The following MDGA2 variants were observed in gnomAD, a reference collection of about 807,000 sequenced individuals.
MDGA2 encodes MAM domain containing glycosylphosphatidylinositol anchor 2, also known as MAM domain-containing glycosylphosphatidylinositol anchor protein 2.
In MDGA2, 40 loss-of-function variants were observed where a neutral mutation model predicts 117.8. That is an observed-to-expected ratio of 0.34 (90% CI 0.26 to 0.44). The LOEUF (loss-of-function observed/expected upper bound fraction) is 0.44, where lower values mean the gene tolerates loss of function less well. Among genes scored for constraint, MDGA2 ranks in the 20% least tolerant of loss-of-function variants. MDGA2 has a pLI of 1.00. For synonymous variants in MDGA2, 452 were observed against 439.0 expected, an observed-to-expected ratio of 1.03 and a Z score of -0.37; for missense variants, 1,123 against 1,250.6, an observed-to-expected ratio of 0.90 and a Z score of 1.54.
chr14:46,881,255 G>C (rs1395858129), intron 11 of MDGA2, among the ~76,000 whole-genome samples: 2 of 152,112 alleles, frequency 1.3e-5, no homozygotes, highest in East Asian at 1.9e-4. Flanking sequence ...AAATAAGGCA[G>C]TCTAAAAAGC....
intron 1 of MDGA2, among the ~76,000 whole-genome samples, chr14:47,597,851 C>T (rs1261447211): frequency 1.5e-5 from 2 of 131,942 alleles, no homozygotes; most frequent in African/African-American, 3.5e-5. Flanking sequence ...CACATACACA[C>T]ACACACACAC....
intron 1 of MDGA2, among the ~76,000 whole-genome samples, chr14:47,662,860 T>C (rs1897875870): frequency 6.6e-6 from 1 of 151,988 alleles, no homozygotes; most frequent in South Asian, 2.1e-4. Flanking sequence ...TGGAAAAGGG[T>C]TGCACTTCCT....
chr14:47,198,576 A>G (rs1439963656), intron 3 of MDGA2, among the ~76,000 whole-genome samples: 1 of 152,210 alleles, frequency 6.6e-6, no homozygotes, highest in African/African-American at 2.4e-5. Flanking sequence ...CGTCTCAAAA[A>G]AAAAAATTGA....
chr14:47,087,244 G>C (rs1890933905), intron 6 of MDGA2, among the ~76,000 whole-genome samples: 6 of 151,990 alleles, frequency 3.9e-5, no homozygotes, highest in Admixed American at 2.6e-4. Flanking sequence ...GCTGGGTGCG[G>C]TGGCTCACAC....
At chr14:47,047,618 G>C (rs1889309872) in intron 7 of MDGA2, among the ~76,000 whole-genome samples, 2 of 151,850 alleles carry the variant, frequency 1.3e-5, no homozygotes, top group Non-Finnish European at 2.9e-5. Context: ...CCAAGGTATG[G>C]CATATAGTAA....
intron 4 of MDGA2, among the ~76,000 whole-genome samples, chr14:47,138,574 AAAGG>A (rs926353071): frequency 2.6e-5 from 4 of 152,178 alleles, no homozygotes; most frequent in Non-Finnish European, 5.9e-5. Flanking sequence ...AAAAGAAATA[AAAGG>A]AAGACATACA....
At chr14:46,955,549 T>G (rs1885533036) in intron 9 of MDGA2, among the ~76,000 whole-genome samples, 1 of 152,114 alleles carries the variant, frequency 6.6e-6, no homozygotes, top group African/African-American at 2.4e-5. Context: ...AGCAGGAAAC[T>G]ATTTTCACAC....
intron 1 of MDGA2, among the ~76,000 whole-genome samples, chr14:47,502,618 A>G (rs973663078): frequency 6.6e-6 from 1 of 152,210 alleles, no homozygotes; most frequent in Non-Finnish European, 1.5e-5. Flanking sequence ...TGAATCCAGT[A>G]TAACATTTTA....
At chr14:46,845,911 G>T (rs1411643505) in intron 15 of MDGA2, 40 bp from the exon 16 acceptor site, 2 of 1,441,220 alleles carry the variant, frequency 1.4e-6, no homozygotes, top group Admixed American at 1.7e-5. Flanking sequence ...GTGGAGCTTT[G>T]ATTTGCAGAT....
chr14:47,412,187 AAAACAAAC>A (rs935054507), intron 1 of MDGA2, among the ~76,000 whole-genome samples: 2 of 152,328 alleles, frequency 1.3e-5, no homozygotes, highest in South Asian at 4.1e-4. Context: ...TGTGAGGCAA[AAAACAAAC>A]AAACAAACAA....
chr14:47,580,650 T>C lies in MDGA2; in HGVS notation c.280+93867A>G, dbSNP rs956026194. Reference sequence around the variant, plus strand: ...AAGAGGAGACTACATGGAGTCTCTATATATTTGAAAGCACAAAGAAAAAAA... The same window carrying C: ...AAGAGGAGACTACATGGAGTCTCTACATATTTGAAAGCACAAAGAAAAAAA... On this transcript the variant is annotated intron_variant, in intron 1 of 16. Transcript: ENST00000399232. Among the ~76,000 whole-genome samples, 6 of 152,132 alleles carry C rather than the reference T, an allele frequency of 3.9e-5. No individual in the cohort carries two copies. In the East Asian group the frequency reaches 5.8e-4, roughly 15 times the overall value.
chr14:47,102,185 C>A (rs1164272770), intron 5 of MDGA2, among the ~76,000 whole-genome samples: 1 of 151,966 alleles, frequency 6.6e-6, no homozygotes, highest in Non-Finnish European at 1.5e-5. Flanking sequence ...AAAAAGGAAC[C>A]CAGCTTTCCA....
chr14:47,203,704 C>T (rs1019645043), intron 3 of MDGA2, among the ~76,000 whole-genome samples: 1 of 151,898 alleles, frequency 6.6e-6, no homozygotes, highest in Non-Finnish European at 1.5e-5. Context: ...TTCAGAAACC[C>T]TAGGGGAAGA....
At chr14:46,871,560 G>A (rs1323989580) in intron 14 of MDGA2, 1 of 152,328 alleles carries the variant, frequency 6.6e-6, no homozygotes, top group African/African-American at 2.4e-5. Flanking sequence ...CCCATGATGA[G>A]TACTCCATAA....
intron 8 of MDGA2, among the ~76,000 whole-genome samples, chr14:46,965,072 C>T (rs995201440): frequency 2.1e-5 from 3 of 140,552 alleles, no homozygotes; most frequent in Admixed American, 7.5e-5. Flanking sequence ...TACAGGCGCC[C>T]GCCACCACGC....
Position 46,855,181 on chromosome 14 carries a change from T to C in MDGA2, c.2753-27A>G. The C allele has an allele frequency of 1.9e-6, 3 of 1,579,724 alleles. No homozygotes were observed. Among genetic ancestry groups the C allele is most frequent in the Non-Finnish European group, 2.6e-6 (3 of 1,166,104 alleles). On this transcript the variant is annotated intron_variant, in intron 14 of 16. Transcript: ENST00000399232. This position sits in a 1 kb window ranked among gnomAD's most constrained non-coding sequence, Gnocchi z 4.1. ...TAAAAATGACAATAAAATTTTATTTTGCATATTCATTTTCACCTCAAATTT... is the reference window on the plus strand; with the variant it reads ...TAAAAATGACAATAAAATTTTATTTCGCATATTCATTTTCACCTCAAATTT...
At chr14:47,365,491 T>A (rs947120502) in intron 1 of MDGA2, among the ~76,000 whole-genome samples, 1 of 152,260 alleles carries the variant, frequency 6.6e-6, no homozygotes, top group East Asian at 1.9e-4. Flanking sequence ...CGTAAGCTAC[T>A]CAGTGGCCAC....
chr14:47,388,305 T>C (rs1475937960), intron 1 of MDGA2, among the ~76,000 whole-genome samples: 1 of 152,162 alleles, frequency 6.6e-6, no homozygotes, highest in Non-Finnish European at 1.5e-5. Flanking sequence ...TCCACCATTA[T>C]CCAGGTTGAG....
intron 1 of MDGA2, among the ~76,000 whole-genome samples, chr14:47,478,899 T>C (rs1427170022): frequency 6.6e-6 from 1 of 152,128 alleles, no homozygotes; most frequent in African/African-American, 2.4e-5. Flanking sequence ...AAATGATAAG[T>C]AGTTTATGAG....
Sources: gnomAD v4.1 joint callset for allele counts (sites outside exome capture counted in the v4.1 genomes callset) on GRCh38, gnomAD v4.1.1 for gene constraint, Gnocchi (gnomAD v3.1) non-coding constraint, MANE v1.5 for transcripts, NCBI Gene and HGNC (gene_info 2026-07-23, HGNC 2026-07-21) for gene names.